The following RBFOX1 variants were observed in gnomAD, a reference collection of about 807,000 sequenced individuals.
The protein encoded by RBFOX1 is RNA binding protein fox-1 homolog 1.
A neutral mutation model predicts 57.7 loss-of-function variants in RBFOX1; 8 were observed. The observed-to-expected ratio is 0.14, with a 90% CI of 0.08 to 0.25. The LOEUF is 0.25. Ranked by LOEUF, RBFOX1 falls within the 10% of genes least tolerant of loss-of-function variation. RBFOX1 has a pLI of 1.00. For synonymous variants in RBFOX1, 326 were observed against 222.4 expected, an observed-to-expected ratio of 1.47 and a Z score of -4.15; for missense variants, 611 against 548.5, an observed-to-expected ratio of 1.11 and a Z score of -1.14.
At chr16:7,213,381 T>G (rs908502735) in intron 4 of RBFOX1, among the ~76,000 whole-genome samples, 1 of 152,204 alleles carries the variant, frequency 6.6e-6, no homozygotes, top group African/African-American at 2.4e-5. Context: ...AGTATTTCTT[T>G]AAGTTCCCAG....
chr16:5,298,107 T>C (rs79310489), intron 1 of RBFOX1, among the ~76,000 whole-genome samples: 2,884 of 152,290 alleles, frequency 0.019, 79 homozygotes, highest in African/African-American at 0.065. Flanking sequence ...GATAACCTGC[T>C]CTTTGAACAA....
At chr16:7,426,213 A>G (rs898603639) in intron 4 of RBFOX1, among the ~76,000 whole-genome samples, 4 of 152,244 alleles carry the variant, frequency 2.6e-5, no homozygotes, top group African/African-American at 4.8e-5. Context: ...AAGTGATTAC[A>G]GAGTCATGAT....
At chr16:6,718,321 T>C (rs2065245174) in intron 3 of RBFOX1, among the ~76,000 whole-genome samples, 1 of 152,304 alleles carries the variant, frequency 6.6e-6, no homozygotes, top group Non-Finnish European at 1.5e-5. Flanking sequence ...TTGTCTTTAG[T>C]AAATACACTA....
intron 2 of RBFOX1, among the ~76,000 whole-genome samples, chr16:5,487,055 G>T (rs1176525382): frequency 6.6e-6 from 1 of 152,118 alleles, no homozygotes; most frequent in African/African-American, 2.4e-5. Context: ...ATCACTTTGA[G>T]AATTCCTTTT....
At chr16:7,707,724 A>G (rs1485929649) in intron 14 of RBFOX1, among the ~76,000 whole-genome samples, 1 of 152,200 alleles carries the variant, frequency 6.6e-6, no homozygotes, top group African/African-American at 2.4e-5. Context: ...TTATGTAGGC[A>G]TTAAAAAGCC....
chr16:6,832,002 C>G (rs563016366), intron 3 of RBFOX1, among the ~76,000 whole-genome samples: 1 of 152,306 alleles, frequency 6.6e-6, no homozygotes, highest in South Asian at 2.1e-4. Flanking sequence ...AATGGTATCA[C>G]TAATTAAATA....
In RBFOX1 at chr16:7,001,143, C is replaced by G. The variant is rs145796198; in HGVS notation, c.-15-50914C>G. 5.0e-4 allele frequency among the ~76,000 whole-genome samples: 76 copies of G among 152,174 alleles called. 1 individual carries two copies. The highest frequency in any genetic ancestry group is 1.7e-3 in the African/African-American group (71 of 41,546). ...TCTTCCTTCATTTTTTTCCAGTTTT[C>G]AAATCCGTTTGAGTTAGTTTGCTTG... On this transcript the variant is annotated intron_variant, in intron 3 of 15. Coordinates refer to ENST00000550418, the MANE Select transcript of RBFOX1 (RefSeq NM_018723.4).
intron 14 of RBFOX1, among the ~76,000 whole-genome samples, chr16:7,689,002 G>T (rs968372538): frequency 6.6e-6 from 1 of 152,000 alleles, no homozygotes. Context: ...AGCCAACTGT[G>T]TTCAGGTTTC....
In RBFOX1 at chr16:7,123,223, T is replaced by C. The variant is rs117524832; in HGVS notation, c.27+71125T>C. On this transcript the variant is annotated intron_variant, in intron 4 of 15. Coordinates refer to ENST00000550418, the MANE Select transcript of RBFOX1 (RefSeq NM_018723.4). ...TTAATTCCAAATAAATGCAAGCCCATAGATTATATGAGGATAAAGTCTCTG... is the reference window on the plus strand; with the variant it reads ...TTAATTCCAAATAAATGCAAGCCCACAGATTATATGAGGATAAAGTCTCTG... Among the ~76,000 whole-genome samples the C allele has an allele frequency of 6.4e-4, 98 of 152,276 alleles. 5 individuals are homozygous for C. The East Asian group carries it at 0.015, about 23-fold the overall frequency.
chr16:7,209,360 C>G (rs1207274484), intron 4 of RBFOX1, among the ~76,000 whole-genome samples: 2 of 152,058 alleles, frequency 1.3e-5, no homozygotes, highest in African/African-American at 4.8e-5. Flanking sequence ...ATAACAAGAT[C>G]TCCTTTTCTT....
intron 3 of RBFOX1, among the ~76,000 whole-genome samples, chr16:6,852,168 C>G (rs2094107690): frequency 6.6e-6 from 1 of 152,108 alleles, no homozygotes; most frequent in East Asian, 1.9e-4. Context: ...ATCAGTGTCA[C>G]TGGCCTGCAA....
intron 4 of RBFOX1, among the ~76,000 whole-genome samples, chr16:5,906,519 T>C (rs1020438197): frequency 6.6e-6 from 1 of 151,226 alleles, no homozygotes; most frequent in Non-Finnish European, 1.5e-5. Context: ...AGAACTGAGA[T>C]GATACATGTT....
chr16:7,290,836 T>C (rs2141537988), intron 4 of RBFOX1, among the ~76,000 whole-genome samples: 1 of 152,328 alleles, frequency 6.6e-6, no homozygotes, highest in African/African-American at 2.4e-5. Flanking sequence ...TATCTAAGCC[T>C]TCTGAGTCTC....
At chr16:7,572,245 C>T (rs1308435555) in intron 5 of RBFOX1, among the ~76,000 whole-genome samples, 2 of 152,088 alleles carry the variant, frequency 1.3e-5, no homozygotes, top group African/African-American at 4.8e-5. Flanking sequence ...CTAAAGCATC[C>T]AGGACAAGTA....
At chr16:5,923,364 T>A (rs917070101) in intron 4 of RBFOX1, among the ~76,000 whole-genome samples, 1 of 151,828 alleles carries the variant, frequency 6.6e-6, no homozygotes, top group African/African-American at 2.4e-5. Flanking sequence ...CCTCACTGAG[T>A]CAGAGGGATG....
rs897707716 is a variant in RBFOX1 at position 6,951,379 on chromosome 16, A to G, written c.-15-100678A>G. On this transcript the variant is annotated intron_variant, in intron 3 of 15. Coordinates refer to ENST00000550418, the MANE Select transcript of RBFOX1 (RefSeq NM_018723.4). The stretch of plus-strand genomic sequence containing the variant: ...CTCTTTCTACCAAATAAATCACCCT[A>G]GTATAATGGCTTAAAACAATAACGT... 8.5e-5 allele frequency among the ~76,000 whole-genome samples: 13 copies of G among 152,296 alleles called. No individual in the cohort carries two copies. The East Asian group carries it at 1.4e-3, about 16-fold the overall frequency.
chr16:7,430,565 G>C (rs1335569714), intron 4 of RBFOX1, among the ~76,000 whole-genome samples: 1 of 151,840 alleles, frequency 6.6e-6, no homozygotes, highest in East Asian at 1.9e-4. Flanking sequence ...GAGAGGCTGA[G>C]GCAGAAGAAT....
intron 3 of RBFOX1, among the ~76,000 whole-genome samples, chr16:7,012,019 C>T (rs1398438328): frequency 1.3e-5 from 2 of 152,090 alleles, no homozygotes; most frequent in African/African-American, 4.8e-5. Context: ...CTAGTCCAGT[C>T]ACTGTAGGTC....
intron 10 of RBFOX1, among the ~76,000 whole-genome samples, chr16:7,628,042 C>G (rs941545148): frequency 6.6e-6 from 1 of 151,786 alleles, no homozygotes; most frequent in East Asian, 1.9e-4. Context: ...GCTTTCCAGG[C>G]AAAAATCTGT....
Sources: gnomAD v4.1 joint callset for allele counts (sites outside exome capture counted in the v4.1 genomes callset) on GRCh38, gnomAD v4.1.1 for gene constraint, MANE v1.5 for transcripts, NCBI Gene and HGNC (gene_info 2026-07-23, HGNC 2026-07-21) for gene names.